The following ZNF729 variants were observed in gnomAD, a reference collection of about 807,000 sequenced individuals.
The protein encoded by ZNF729 is zinc finger protein 729.
In ZNF729, 15 loss-of-function variants were observed where a neutral mutation model predicts 12.2. The observed-to-expected ratio is 1.23, with a 90% CI of 0.82 to 1.89. The LOEUF (loss-of-function observed/expected upper bound fraction) is 1.89. ZNF729 is among the 40% of genes most tolerant of loss of function. The probability of loss-of-function intolerance (pLI) is 0.00; values close to 1 mark genes in which losing one functional copy is unlikely to be tolerated. For synonymous variants in ZNF729, 492 were observed against 476.3 expected (o/e 1.03, Z -0.43); for missense variants, 1,540 against 1,456.7 (o/e 1.06, Z -0.93).
intron 1 of ZNF729, among the ~76,000 whole-genome samples, chr19:22,290,350 G>A (rs1968136585): frequency 1.3e-5 from 2 of 152,168 alleles, no homozygotes; most frequent in African/African-American, 4.8e-5. Context: ...TTTTGTGGTA[G>A]TTTCTAGACT....
At chr19:22,290,325 A>T (rs1968136031) in intron 1 of ZNF729, among the ~76,000 whole-genome samples, 1 of 152,224 alleles carries the variant, frequency 6.6e-6, no homozygotes, top group Non-Finnish European at 1.5e-5. Flanking sequence ...CTTACTGAAG[A>T]TGAAATTGTT....
rs763620901 is a variant in ZNF729, at chr19:22,317,017, C to T, written c.3600C>T (p.Cys1200=). The part of the protein sequence containing the change: ...CEECGKAFIQ[C]SYLIRHKTIH... ...AATGTGGCAAAGCTTTTATTCAGTG[C>T]TCATACCTTATTAGACATAAAACAA... The change falls in exon 4 of 4, where the codon TGC becomes TGT. Residue 1200 remains cysteine, a synonymous_variant. Transcript: ENST00000601693. The T allele has an allele frequency of 3.7e-6, 6 of 1,611,210 alleles. No individual in the cohort carries two copies. The highest frequency in any genetic ancestry group is 5.1e-6 in the Non-Finnish European group (6 of 1,179,844).
intron 3 of ZNF729, among the ~76,000 whole-genome samples, chr19:22,310,508 G>A (rs139355063): frequency 0.015 from 2,298 of 152,098 alleles, 51 homozygotes; most frequent in African/African-American, 0.052. Flanking sequence ...CACATTTATT[G>A]ACTTGCATTT....
chr19:22,294,060 G>T (rs1414998872), intron 1 of ZNF729, among the ~76,000 whole-genome samples: 4 of 152,030 alleles, frequency 2.6e-5, no homozygotes, highest in Non-Finnish European at 5.9e-5. Flanking sequence ...TGTCTAGAAT[G>T]GTATTTTCTA....
At chr19:22,289,707 T>C (rs1968128855) in intron 1 of ZNF729, among the ~76,000 whole-genome samples, 1 of 152,126 alleles carries the variant, frequency 6.6e-6, no homozygotes, top group Non-Finnish European at 1.5e-5. Flanking sequence ...CAAGAAAATA[T>C]GGTAGGTAAT....
At chr19:22,295,506 T>A (rs1482280074) in intron 1 of ZNF729, among the ~76,000 whole-genome samples, 1 of 150,134 alleles carries the variant, frequency 6.7e-6, no homozygotes, top group Non-Finnish European at 1.5e-5. Context: ...TTCTCCTGCC[T>A]CAGCCTCCCG....
chr19:22,286,659 A>C, intron 1 of ZNF729, 104 bp downstream of exon 1: 2 of 1,418,542 alleles, frequency 1.4e-6, no homozygotes, highest in African/African-American at 2.8e-5. Flanking sequence ...CAGCTCCACA[A>C]TCTGCGCCTG....
At chr19:22,307,553 G>GA (rs1238837235) in intron 3 of ZNF729, among the ~76,000 whole-genome samples, 1 of 151,170 alleles carries the variant, frequency 6.6e-6, no homozygotes, top group Non-Finnish European at 1.5e-5. Flanking sequence ...AGACTAGCCT[G>GA]ACCAACATGG....
chr19:22,301,895 G>A (rs1399339197), intron 1 of ZNF729, among the ~76,000 whole-genome samples: 4 of 152,310 alleles, frequency 2.6e-5, no homozygotes, highest in Admixed American at 2.6e-4. Flanking sequence ...CTAGATTCTG[G>A]AGCTTAACCA....
At position 22,314,148 on chromosome 19, in the gene ZNF729, C is replaced by T. The variant is rs1968487917; in HGVS notation, c.731C>T (p.Ala244Val). ...TACAAATATAAGAAATGTGGCAATG[C>T]CTTTAAATTTTCTTCAACGTTCACT... ...KPYKYKKCGNAFKFSSTFTKH... is the reference protein window; with the variant it reads ...KPYKYKKCGNVFKFSSTFTKH... Residue 244 changes from alanine to valine, a missense_variant, in exon 4 of 4, where the codon GCC (alanine) becomes GTC (valine). Transcript: ENST00000601693. The T allele has an allele frequency of 6.4e-7, 1 of 1,560,714 alleles. No homozygotes were observed. Among genetic ancestry groups the T allele is most frequent in the East Asian group, 2.4e-5 (1 of 41,798 alleles).
chr19:22,309,537 G>A (rs1439710168), intron 3 of ZNF729, among the ~76,000 whole-genome samples: 1 of 152,104 alleles, frequency 6.6e-6, no homozygotes, highest in Non-Finnish European at 1.5e-5. Context: ...GTTTATTTCT[G>A]GGTTCTCTAT....
intron 1 of ZNF729, among the ~76,000 whole-genome samples, chr19:22,292,145 A>G (rs1365866462): frequency 6.6e-6 from 1 of 152,322 alleles, no homozygotes; most frequent in East Asian, 1.9e-4. Context: ...TCATTGAGGT[A>G]TTAAGCACAG....
At chr19:22,300,285 G>C (rs1458097490) in intron 1 of ZNF729, among the ~76,000 whole-genome samples, 1 of 152,158 alleles carries the variant, frequency 6.6e-6, no homozygotes, top group Non-Finnish European at 1.5e-5. Context: ...TTTTCTACTT[G>C]TGAACTAATT....
intron 1 of ZNF729, among the ~76,000 whole-genome samples, chr19:22,290,918 A>C (rs915980860): frequency 6.6e-6 from 1 of 151,838 alleles, no homozygotes; most frequent in African/African-American, 2.4e-5. Context: ...TGTTTTCCTG[A>C]GTTCTGTGAG....
chr19:22,313,730 C>A lies in ZNF729; in HGVS notation c.313C>A (p.Gln105Lys), dbSNP rs748492029. ...WPDQSTKDSF[Q>K]EVILRTYARC... is the part of the protein sequence containing the mutation. ...AGATCAGAGCACAAAAGATTCTTTC[C>A]AAGAAGTAATACTGAGAACATATGC... Residue 105 changes from glutamine (Q) to lysine (K), a missense_variant, in exon 4 of 4, where the codon CAA (glutamine) becomes AAA (lysine). Coordinates refer to ENST00000601693, the MANE Select transcript of ZNF729 (RefSeq NM_001242680.2). 9.6e-6 allele frequency: 15 copies of A among 1,569,342 alleles called. No homozygotes were observed. The highest frequency in any genetic ancestry group is 1.3e-5 in the Non-Finnish European group (15 of 1,163,398).
intron 1 of ZNF729, among the ~76,000 whole-genome samples, chr19:22,292,337 G>C (rs528205863): frequency 1.4e-4 from 22 of 152,248 alleles, no homozygotes; most frequent in Non-Finnish European, 2.6e-4. Context: ...ATGGTCTCCA[G>C]CTCCATCCAT....
chr19:22,316,032 T>G lies in ZNF729; in HGVS notation c.2615T>G (p.Ile872Arg). Residue 872 changes from isoleucine (I) to arginine (R), a missense_variant, in exon 4 of 4, where the codon ATA becomes AGA. By Grantham distance (97) the Ile-to-Arg change is moderately conservative (BLOSUM62 -3). Coordinates refer to ENST00000601693, the MANE Select transcript of ZNF729 (RefSeq NM_001242680.2). ...SQSSSLRKHE[I>R]IHSGEKPYKC... ...TCCTCATCCCTTAGAAAACATGAGA[T>G]AATTCATAGTGGAGAGAAACCATAC... The G allele has an allele frequency of 6.2e-7, 1 of 1,610,664 alleles. No homozygotes were observed. Among genetic ancestry groups the G allele is most frequent in the Non-Finnish European group, 8.5e-7 (1 of 1,179,652 alleles).
intron 1 of ZNF729, 125 bp downstream of exon 1, chr19:22,286,680 C>G: frequency 8.0e-7 from 1 of 1,255,106 alleles, no homozygotes; most frequent in Non-Finnish European, 1.2e-6. Context: ...GAGTTCTTTC[C>G]CATCTCGGCC....
rs1968488687 is a variant in ZNF729, at chr19:22,314,192, A to G, written c.775A>G (p.Thr259Ala). 6.3e-7 allele frequency: 1 copy of G among 1,594,040 alleles called. No individual in the cohort carries two copies. Among genetic ancestry groups the G allele is most frequent in the Non-Finnish European group, 8.5e-7 (1 of 1,170,694 alleles). The change falls in exon 4 of 4, where the codon ACT becomes GCT. Residue 259 changes from threonine to alanine, a missense_variant. Transcript: ENST00000601693. ...GTTCACTAAACATAAGAGAATTCAT[A>G]CTGGAGAGACACCTTTCAGATGTGA... Reference protein sequence around the residue: ...STFTKHKRIHTGETPFRCEEC... With the variant: ...STFTKHKRIHAGETPFRCEEC...
Sources: gnomAD v4.1 joint callset for allele counts (sites outside exome capture counted in the v4.1 genomes callset) on GRCh38, gnomAD v4.1.1 for gene constraint, MANE v1.5 for transcripts, NCBI Gene and HGNC (gene_info 2026-07-23, HGNC 2026-07-21) for gene names.